The following R3HCC1 variants were observed in gnomAD, a reference collection of about 807,000 sequenced individuals.
The protein encoded by R3HCC1 is R3H and coiled-coil domain-containing protein 1.
In R3HCC1, 32 loss-of-function variants were observed where a neutral mutation model predicts 40.0. That is an observed-to-expected ratio of 0.80 (90% CI 0.60 to 1.07). R3HCC1 has a LOEUF of 1.07. R3HCC1 is among the 50% of genes least tolerant of loss of function. The pLI is 0.00. For synonymous variants in R3HCC1, 237 were observed against 232.8 expected (o/e 1.02, Z -0.17); for missense variants, 586 against 563.3 (o/e 1.04, Z -0.41).
intron 3 of R3HCC1, 119 bp downstream of exon 3, chr8:23,289,272 C>A: frequency 8.9e-7 from 1 of 1,123,814 alleles, no homozygotes. Flanking sequence ...CGGCTGCTGC[C>A]ATTCCTAGCT....
At chr8:23,294,246 C>T (rs188517072) in intron 6 of R3HCC1, among the ~76,000 whole-genome samples, 1 of 152,296 alleles carries the variant, frequency 6.6e-6, no homozygotes, top group Admixed American at 6.5e-5. Flanking sequence ...CCATGGCGTT[C>T]TGATCTCCAC....
At chr8:23,295,248 C>A (rs1563180996) in intron 7 of R3HCC1, among the ~76,000 whole-genome samples, 1 of 152,114 alleles carries the variant, frequency 6.6e-6, no homozygotes, top group East Asian at 1.9e-4. Flanking sequence ...GCTCCGGGAC[C>A]CCCAAATGGC....
In R3HCC1 at chr8:23,294,934, T is replaced by C. The variant is rs564753680; in HGVS notation, c.1192+70T>C. ...GTGTGCGTGCGAGCATGTGTGTGTG[T>C]GCGTGTGTGTGTGTCTGGTTTGGGC... On this transcript the variant is annotated intron_variant, in intron 7 of 7. Coordinates refer to ENST00000265806, the MANE Select transcript of R3HCC1 (RefSeq NM_001136108.3). The C allele has an allele frequency of 7.8e-5, 86 of 1,101,732 alleles. No individual in the cohort carries two copies. The African/African-American group carries it at 9.4e-4, about 12-fold the overall frequency. 68.2% of individuals were successfully genotyped at this position (1,101,732 alleles called of 1,614,324 possible).
At position 23,291,530 on chromosome 8, in the gene R3HCC1, TC is replaced by T; in HGVS notation, c.1024del (p.Gln342LysfsTer29). On this transcript the variant is annotated frameshift_variant and splice_region_variant, in exon 5 of 8. Transcript: ENST00000265806. LOFTEE classifies it high-confidence loss of function. ...GACCTGCTGGCAACGTTTTCTGAGT[TC>T]CAGTGAGTGGTGGCTGGGGAGGTGC... is the stretch of plus-strand genomic sequence containing the variant. 6.4e-7 allele frequency: 1 copy of T among 1,550,582 alleles called. No homozygotes were observed. The highest frequency in any genetic ancestry group is 2.0e-5 in the Admixed American group (1 of 51,004).
Position 23,288,389 on chromosome 8 carries a change from C to T in R3HCC1, c.-18-117C>T, listed in dbSNP as rs1251442287. The T allele has an allele frequency of 1.1e-5, 16 of 1,395,614 alleles. No homozygotes were observed. In the East Asian group the frequency reaches 1.5e-4, roughly 13 times the overall value. The allele number at this position is 1,395,614 out of a possible 1,614,324, so 86.5% of individuals were successfully genotyped here. ...CCGGGGGTCCCTGGCATCACTTCCC[C>T]GCCACCGAGCCTTGGACCAGAGGGT... On this transcript the variant is annotated intron_variant, in intron 1 of 7. Coordinates refer to ENST00000265806, the MANE Select transcript of R3HCC1 (RefSeq NM_001136108.3).
chr8:23,293,963 G>A (rs573006861), intron 6 of R3HCC1, among the ~76,000 whole-genome samples: 96 of 152,242 alleles, frequency 6.3e-4, no homozygotes, highest in African/African-American at 2.2e-3. Context: ...ACACCACCGT[G>A]CTTACATTTG....
At position 23,296,047 on chromosome 8, in the gene R3HCC1, C is replaced by G; in HGVS notation, c.1273C>G (p.Gln425Glu). Residue 425 changes from glutamine to glutamate, a missense_variant, in exon 8 of 8, where the codon CAA becomes GAA. Transcript: ENST00000265806. ...GCTGGTGGCCCGGGCCCTGGGACTC[C>G]AACACAAAAAGAAAGAGCGGCCTGC... is the stretch of plus-strand genomic sequence containing the variant. 6.4e-7 allele frequency: 1 copy of G among 1,550,774 alleles called. No homozygotes were observed. The highest frequency in any genetic ancestry group is 2.4e-5 in the East Asian group (1 of 40,908).
chr8:23,290,800 T>C (rs1802851634), intron 4 of R3HCC1, among the ~76,000 whole-genome samples: 1 of 152,330 alleles, frequency 6.6e-6, no homozygotes, highest in African/African-American at 2.4e-5. Context: ...CGTCTTGTGT[T>C]ACGGATGCCA....
At chr8:23,294,904 T>C in intron 7 of R3HCC1, 40 bp downstream of exon 7, 1 of 1,403,122 alleles carries the variant, frequency 7.1e-7, no homozygotes, top group Non-Finnish European at 9.9e-7. Flanking sequence ...AGGCTGTGTG[T>C]GTGTGTGTGC....
At position 23,296,027 on chromosome 8, in the gene R3HCC1, T is replaced by C; in HGVS notation, c.1253T>C (p.Val418Ala). The change falls in exon 8 of 8, where the codon GTG (valine) becomes GCG (alanine). Residue 418 changes from valine (V) to alanine (A), a missense_variant. Val to Ala is a moderately conservative substitution (Grantham distance 64). Transcript: ENST00000265806. ...AATGCGACTGTGGCCCGGCGGCTGG[T>C]GGCCCGGGCCCTGGGACTCCAACAC... 1.3e-6 allele frequency: 2 copies of C among 1,550,746 alleles called. No homozygotes were observed. Among genetic ancestry groups the C allele is most frequent in the Non-Finnish European group, 1.7e-6 (2 of 1,146,900 alleles).
At chr8:23,292,711 G>GGA (rs1198471863) in intron 5 of R3HCC1, among the ~76,000 whole-genome samples, 4 of 152,260 alleles carry the variant, frequency 2.6e-5, no homozygotes, top group African/African-American at 9.6e-5. Flanking sequence ...CTCCTGAGCA[G>GGA]GAGAGCCGAA....
intron 1 of R3HCC1, 153 bp from the exon 2 acceptor site, chr8:23,288,353 C>A: frequency 8.3e-7 from 1 of 1,211,254 alleles, no homozygotes; most frequent in Admixed American, 2.4e-5. Flanking sequence ...CCTTCCCTGA[C>A]CCCTGACTTG....
chr8:23,290,403 A>AG lies in R3HCC1; in HGVS notation c.787dup (p.Glu263GlyfsTer18). The AG allele has an allele frequency of 1.3e-6, 2 of 1,551,706 alleles. No homozygotes were observed. Among genetic ancestry groups the AG allele is most frequent in the Non-Finnish European group, 1.7e-6 (2 of 1,147,010 alleles). On this transcript the variant is annotated frameshift_variant, in exon 4 of 8. Transcript: ENST00000265806. LOFTEE classifies it high-confidence loss of function. ...TGGTGGCAGAGGAGGAAGAGGACGA[A>AG]GAGGAGGTGGAAGAGGATGGCCCCA...
rs1410160083 is a variant in R3HCC1, at chr8:23,288,899, C to T, written c.111-117C>T. 8.2e-6 allele frequency: 10 copies of T among 1,224,062 alleles called. 1 individual carries two copies. Among genetic ancestry groups the T allele is most frequent in the South Asian group, 5.8e-5 (4 of 68,910 alleles). 75.8% of individuals were successfully genotyped at this position (1,224,062 alleles called of 1,614,324 possible). A position where few individuals can be genotyped will look rare whatever the true frequency, so the allele number is the denominator to read the frequency against. On this transcript the variant is annotated intron_variant, in intron 2 of 7. Coordinates refer to ENST00000265806, the MANE Select transcript of R3HCC1 (RefSeq NM_001136108.3). The stretch of plus-strand genomic sequence containing the variant: ...TATGCTCAGATCCTTTGCAGTCCAT[C>T]TGGGACCCAGAGGGGCAGAAGGGAG...
At chr8:23,289,190 G>A in intron 3 of R3HCC1, 37 bp downstream of exon 3, 1 of 1,530,930 alleles carries the variant, frequency 6.5e-7, no homozygotes, top group African/African-American at 1.4e-5. Context: ...CTGCAGCGGT[G>A]GTGTGTGGGT....
chr8:23,291,480 C>CT lies in R3HCC1; in HGVS notation c.975dup (p.Glu326Ter). 6.4e-7 allele frequency: 1 copy of CT among 1,551,628 alleles called. No homozygotes were observed. Among genetic ancestry groups the CT allele is most frequent in the Admixed American group, 2.0e-5 (1 of 51,004 alleles). The stretch of plus-strand genomic sequence containing the variant: ...TTGCCCACGTGGTAGAGATCTATGA[C>CT]TTTGAACCAGCGCTCAAGACGGAGG... On this transcript the variant is annotated frameshift_variant, in exon 5 of 8. Transcript: ENST00000265806. LOFTEE classifies it high-confidence loss of function.
At chr8:23,290,554 T>C in intron 4 of R3HCC1, 85 bp downstream of exon 4, 1 of 1,429,838 alleles carries the variant, frequency 7.0e-7, no homozygotes, top group Non-Finnish European at 9.3e-7. Flanking sequence ...GGTTATGGTG[T>C]GGAGAGCAGG....
At chr8:23,292,742 G>A (rs891600939) in intron 5 of R3HCC1, among the ~76,000 whole-genome samples, 4 of 152,242 alleles carry the variant, frequency 2.6e-5, no homozygotes, top group East Asian at 1.9e-4. Context: ...GGGGCAACAC[G>A]TTCTGCTCTT....
chr8:23,293,295 C>T lies in R3HCC1; in HGVS notation c.1026-8C>T, dbSNP rs755264989. The T allele has an allele frequency of 4.5e-6, 7 of 1,549,958 alleles. No homozygotes were observed. The Admixed American group carries it at 9.8e-5, about 22-fold the overall frequency. ...CCTGAATGTGCTGTCTCCTCTCTCG[C>T]CGCACAGAGAGAAGGGGTTCAGGAT... is the stretch of plus-strand genomic sequence containing the variant. On this transcript the variant is annotated splice_polypyrimidine_tract_variant and splice_region_variant and intron_variant, in intron 5 of 7. Transcript: ENST00000265806.
Sources: gnomAD v4.1 joint callset for allele counts (sites outside exome capture counted in the v4.1 genomes callset) on GRCh38, gnomAD v4.1.1 for gene constraint, MANE v1.5 for transcripts, NCBI Gene and HGNC (gene_info 2026-07-23, HGNC 2026-07-21) for gene names.